Variants in TNR observed in about 807,000 individuals in gnomAD.
TNR encodes tenascin-R.
A neutral mutation model predicts 150.4 loss-of-function variants in TNR; 45 were observed. That is an observed-to-expected ratio of 0.30 (90% confidence interval 0.24 to 0.38). The LOEUF is 0.38. Ranked by LOEUF, TNR falls within the 10% of genes least tolerant of loss-of-function variation. The pLI is 1.00. For synonymous variants in TNR, 687 were observed against 678.4 expected (o/e 1.01, Z -0.20); for missense variants, 1,544 against 1,759.1 (o/e 0.88, Z 2.19).
chr1:175,604,779 C>T (rs1269767428), intron 1 of TNR, among the ~76,000 whole-genome samples: 1 of 152,176 alleles, frequency 6.6e-6, no homozygotes, highest in East Asian at 1.9e-4. Context: ...GTGCGACAGT[C>T]CCTGGGTCCC....
Position 175,379,681 on chromosome 1 carries a change from G to A in TNR, c.1834C>T (p.Leu612Phe). ...VGSRTATSLD[L>F]EWDNSEAEVQ... is the part of the protein sequence containing the mutation. ...TCGGCTTCACTGTTATCCCACTCGA[G>A]GTCAAGGCTGGTTGCTGTGCGAGAA... Residue 612 changes from leucine (L) to phenylalanine (F), a missense_variant, in exon 9 of 23, where the codon CTC becomes TTC. Leu to Phe is a conservative substitution (Grantham distance 22, BLOSUM62 0). Coordinates refer to ENST00000367674, the MANE Select transcript of TNR (RefSeq NM_003285.3). 1 of 1,614,166 alleles carries A rather than the reference G, an allele frequency of 6.2e-7. No individual in the cohort carries two copies. The highest frequency in any genetic ancestry group is 1.3e-5 in the African/African-American group (1 of 75,042).
At chr1:175,606,334 GC>G (rs1410839068) in intron 1 of TNR, among the ~76,000 whole-genome samples, 2 of 152,174 alleles carry the variant, frequency 1.3e-5, no homozygotes, top group Admixed American at 1.3e-4. Flanking sequence ...CCTCAAAGAA[GC>G]CAGACTCTGG....
At chr1:175,595,218 T>C (rs1662962706) in intron 1 of TNR, among the ~76,000 whole-genome samples, 1 of 152,204 alleles carries the variant, frequency 6.6e-6, no homozygotes, top group African/African-American at 2.4e-5. Flanking sequence ...TAACTGACAT[T>C]TGGTGATTGC....
Position 175,323,459 on chromosome 1 carries a change from A to G in TNR, c.3975T>C (p.His1325=), listed in dbSNP as rs751171050. ...SRHSQGINWY[H]WKGHEFSIPF... ...GGATGGAGAACTCATGGCCTTTCCA[A>G]TGGTACCAGTTGATGCCCTGGGCGT... The change falls in exon 23 of 23, where the codon CAT becomes CAC. Residue 1325 remains histidine (H), a synonymous_variant. Transcript: ENST00000367674. 6 of 1,613,774 alleles carry G rather than the reference A, an allele frequency of 3.7e-6. No individual in the cohort carries two copies. Among genetic ancestry groups the G allele is most frequent in the South Asian group, 3.3e-5 (3 of 91,054 alleles).
intron 1 of TNR, among the ~76,000 whole-genome samples, chr1:175,653,694 T>C (rs1665072709): frequency 6.6e-6 from 1 of 152,252 alleles, no homozygotes; most frequent in Non-Finnish European, 1.5e-5. Flanking sequence ...TGGGTTATTA[T>C]AGAACACATA....
chr1:175,406,274 C>T lies in TNR; in HGVS notation c.441G>A (p.Glu147=). 1.9e-6 allele frequency: 3 copies of T among 1,614,212 alleles called. No homozygotes were observed. Among genetic ancestry groups the T allele is most frequent in the Non-Finnish European group, 2.5e-6 (3 of 1,180,044 alleles). Residue 147 remains glutamate (E), a synonymous_variant, in exon 3 of 23, where the codon GAG becomes GAA. Transcript: ENST00000367674. ...LLSRIEMLER[E]VSVLRDQCNA... is the part of the protein sequence containing the mutation. ...TGCACTGGTCTCGCAGCACCGACACCTCCCTCTCCAGCATCTCGATCCGGC... is the reference window on the plus strand; with the variant it reads ...TGCACTGGTCTCGCAGCACCGACACTTCCCTCTCCAGCATCTCGATCCGGC...
chr1:175,408,346 T>C (rs1327769204), intron 2 of TNR, among the ~76,000 whole-genome samples: 1 of 152,240 alleles, frequency 6.6e-6, no homozygotes, highest in African/African-American at 2.4e-5. Flanking sequence ...CTCCAACTAA[T>C]TTAATCCCTC....
chr1:175,598,498 A>G (rs1244826974), intron 1 of TNR, among the ~76,000 whole-genome samples: 1 of 152,366 alleles, frequency 6.6e-6, no homozygotes, highest in African/African-American at 2.4e-5. Flanking sequence ...GTTTTCAGCA[A>G]GCATGTTTTA....
chr1:175,337,383 G>GCAATAAACTCA, intron 19 of TNR, 145 bp downstream of exon 19: 1 of 892,394 alleles, frequency 1.1e-6, no homozygotes. Flanking sequence ...GGGCCTTGAG[G>GCAATAAACTCA]GCAATGAGGA....
At chr1:175,443,461 T>A (rs1009280443) in intron 2 of TNR, among the ~76,000 whole-genome samples, 2 of 152,194 alleles carry the variant, frequency 1.3e-5, no homozygotes, top group Non-Finnish European at 2.9e-5. Flanking sequence ...GGTCTTCCAG[T>A]CAATGCTTAG....
intron 1 of TNR, among the ~76,000 whole-genome samples, chr1:175,677,949 C>T (rs1014804617): frequency 2.0e-5 from 3 of 151,644 alleles, no homozygotes; most frequent in Non-Finnish European, 4.4e-5. Context: ...GGAGTAAGTG[C>T]CAGCAGGAAT....
intron 2 of TNR, among the ~76,000 whole-genome samples, chr1:175,460,488 C>A (rs1057390999): frequency 2.0e-5 from 3 of 151,970 alleles, no homozygotes; most frequent in Admixed American, 6.6e-5. Flanking sequence ...GGATGAACAC[C>A]GGACTCATGC....
At chr1:175,738,090 A>T (rs966039202) in intron 1 of TNR, among the ~76,000 whole-genome samples, 2 of 152,176 alleles carry the variant, frequency 1.3e-5, no homozygotes, top group African/African-American at 4.8e-5. Flanking sequence ...CATGTGCACC[A>T]GCCCCAAGTA....
chr1:175,505,593 G>A (rs539426840), intron 2 of TNR, among the ~76,000 whole-genome samples: 1 of 152,222 alleles, frequency 6.6e-6, no homozygotes, highest in Non-Finnish European at 1.5e-5. Context: ...AGTGGGCAGC[G>A]TGCTGCCAGG....
intron 2 of TNR, among the ~76,000 whole-genome samples, chr1:175,469,797 T>A (rs1327103506): frequency 1.3e-5 from 2 of 152,084 alleles, no homozygotes; most frequent in Non-Finnish European, 2.9e-5. Flanking sequence ...CCAATTTCTT[T>A]GACATCAATA....
chr1:175,707,401 G>GTT (rs2101932116), intron 1 of TNR, among the ~76,000 whole-genome samples: 1 of 152,242 alleles, frequency 6.6e-6, no homozygotes, highest in South Asian at 2.1e-4. Context: ...TTGAGTGCCT[G>GTT]TTTTGTGCAT....
intron 1 of TNR, among the ~76,000 whole-genome samples, chr1:175,718,590 A>G (rs1258075148): frequency 6.6e-6 from 1 of 152,220 alleles, no homozygotes; most frequent in Non-Finnish European, 1.5e-5. Context: ...TGGCAAAGCC[A>G]CAGAGACTTT....
At position 175,330,176 on chromosome 1, in the gene TNR, G is replaced by T. The variant is rs370443422; in HGVS notation, c.3691C>A (p.Arg1231=). ...GCGAAGGCGGCCTCTTGGCCATCCC[G>T]CATGTCCACGCGCAGCTCATAGCGG... ...QGRYELRVDM[R]DGQEAAFASY... The change falls in exon 21 of 23, where the codon CGG becomes AGG. Residue 1231 remains arginine, a synonymous_variant. Transcript: ENST00000367674. The T allele has an allele frequency of 1.9e-6, 3 of 1,613,396 alleles. No homozygotes were observed. Among genetic ancestry groups the T allele is most frequent in the Non-Finnish European group, 2.5e-6 (3 of 1,179,426 alleles).
intron 9 of TNR, among the ~76,000 whole-genome samples, chr1:175,375,691 G>A (rs945918236): frequency 2.0e-5 from 3 of 152,124 alleles, no homozygotes; most frequent in Admixed American, 6.6e-5. Flanking sequence ...GCAAATACAG[G>A]TGCCATAGAG....
Sources: gnomAD v4.1 joint callset for allele counts (sites outside exome capture counted in the v4.1 genomes callset) on GRCh38, gnomAD v4.1.1 for gene constraint, MANE v1.5 for transcripts, NCBI Gene and HGNC (gene_info 2026-07-23, HGNC 2026-07-21) for gene names.